Variants in SRGAP1 observed in about 807,000 individuals in gnomAD.
SRGAP1 encodes SLIT-ROBO Rho GTPase activating protein 1.
In SRGAP1, 43 loss-of-function variants were observed where a neutral mutation model predicts 121.9. That is an observed-to-expected ratio of 0.35 (90% CI 0.28 to 0.46). SRGAP1 has a LOEUF of 0.46. Ranked by LOEUF, SRGAP1 falls within the 20% of genes least tolerant of loss-of-function variation. SRGAP1 has a pLI of 1.00. For synonymous variants in SRGAP1, 447 were observed against 485.4 expected, an observed-to-expected ratio of 0.92 and a Z score of 1.04; for missense variants, 1,102 against 1,350.9, an observed-to-expected ratio of 0.82 and a Z score of 2.89.
chr12:63,912,784 C>A (rs1397382264), intron 1 of SRGAP1, among the ~76,000 whole-genome samples: 2 of 152,018 alleles, frequency 1.3e-5, no homozygotes, highest in African/African-American at 4.8e-5. Context: ...GGATTTTTGA[C>A]CAACATTTTA....
rs910922341 is a variant in SRGAP1 at position 63,844,980 on chromosome 12, G to T, written c.67+97G>T. On this transcript the variant is annotated intron_variant, in intron 1 of 21. Transcript: ENST00000355086. This position sits in a 1 kb window ranked among gnomAD's most constrained non-coding sequence, Gnocchi z 4.3. ...TAACTTGGTGTCTGCGTGGGAGGAA[G>T]GTGGTGAGGGGACAGCTCGAGCCCT... 1 of 1,232,500 alleles carries T rather than the reference G, an allele frequency of 8.1e-7. No individual in the cohort carries two copies. Among genetic ancestry groups the T allele is most frequent in the Admixed American group, 1.7e-5 (1 of 57,342 alleles). 76.3% of individuals were successfully genotyped at this position (1,232,500 alleles called of 1,614,324 possible). A position where few individuals can be genotyped will look rare whatever the true frequency, so the allele number is the denominator to read the frequency against.
chr12:63,868,697 A>G (rs1322349985), intron 1 of SRGAP1, among the ~76,000 whole-genome samples: 1 of 152,130 alleles, frequency 6.6e-6, no homozygotes, highest in Non-Finnish European at 1.5e-5. Flanking sequence ...GGGGAGTCCT[A>G]TTTTAATAGG....
chr12:64,019,930 C>T (rs1406816133), intron 4 of SRGAP1, among the ~76,000 whole-genome samples: 1 of 152,214 alleles, frequency 6.6e-6, no homozygotes, highest in African/African-American at 2.4e-5. Context: ...ATTGTCTTTT[C>T]TGGCAAATAT....
chr12:63,915,253 G>A (rs1331802937), intron 1 of SRGAP1, among the ~76,000 whole-genome samples: 1 of 152,152 alleles, frequency 6.6e-6, no homozygotes, highest in South Asian at 2.1e-4. Flanking sequence ...CATTTTTATT[G>A]TCAATGTTTA....
chr12:63,916,526 C>T (rs556772460), intron 1 of SRGAP1, among the ~76,000 whole-genome samples: 1 of 152,218 alleles, frequency 6.6e-6, no homozygotes, highest in East Asian at 1.9e-4. Context: ...AAATGTCATC[C>T]GTGGTCTTGA....
At chr12:64,125,129 C>A (rs888132170) in intron 18 of SRGAP1, among the ~76,000 whole-genome samples, 4 of 152,148 alleles carry the variant, frequency 2.6e-5, no homozygotes, top group African/African-American at 7.2e-5. Flanking sequence ...ACCTTCCCAT[C>A]CCCAACCTCT....
In SRGAP1 at chr12:63,957,222, G is replaced by A. The variant is rs149699714; in HGVS notation, c.68-26725G>A. 3.6e-3 allele frequency among the ~76,000 whole-genome samples: 541 copies of A among 152,276 alleles called. 2 individuals are homozygous for A. Among genetic ancestry groups the A allele is most frequent in the African/African-American group, 0.012 (515 of 41,540 alleles). On this transcript the variant is annotated intron_variant, in intron 1 of 21. Coordinates refer to ENST00000355086, the MANE Select transcript of SRGAP1 (RefSeq NM_020762.4). ...CCAGGTCACATTATCATTGAAGATC[G>A]TGAATCACAGGCCGGGGTCCTCACC... is the stretch of plus-strand genomic sequence containing the variant.
chr12:64,118,601 C>T lies in SRGAP1; in HGVS notation c.2224+2708C>T, dbSNP rs142609286. On this transcript the variant is annotated intron_variant, in intron 18 of 21. Coordinates refer to ENST00000355086, the MANE Select transcript of SRGAP1 (RefSeq NM_020762.4). ...TTTGTTTGTTTTGTTTGTTTCCTAA[C>T]ACAGTGGGATAACCTCATATGTGGT... is the stretch of plus-strand genomic sequence containing the variant. 3.1e-3 allele frequency among the ~76,000 whole-genome samples: 466 copies of T among 152,268 alleles called. 3 individuals are homozygous for T. Among genetic ancestry groups the T allele is most frequent in the Non-Finnish European group, 3.6e-3 (246 of 68,026 alleles).
intron 6 of SRGAP1, among the ~76,000 whole-genome samples, chr12:64,045,932 T>C (rs1335336991): frequency 2.6e-5 from 4 of 152,194 alleles, no homozygotes; most frequent in Non-Finnish European, 4.4e-5. Context: ...CAAGTACATG[T>C]ATACACACAC....
intron 1 of SRGAP1, among the ~76,000 whole-genome samples, chr12:63,878,097 A>G (rs537418409): frequency 6.6e-6 from 1 of 152,362 alleles, no homozygotes; most frequent in Admixed American, 6.5e-5. Context: ...TCTAATAACA[A>G]CATTAGAGAA....
intron 1 of SRGAP1, among the ~76,000 whole-genome samples, chr12:63,932,541 AT>A (rs1473067196): frequency 2.6e-5 from 4 of 152,324 alleles, no homozygotes; most frequent in Middle Eastern, 3.4e-3. Context: ...TTTATTACTA[AT>A]TCTTTTCATG....
intron 18 of SRGAP1, among the ~76,000 whole-genome samples, chr12:64,120,800 A>C (rs75621402): frequency 0.012 from 1,768 of 152,236 alleles, 38 homozygotes; most frequent in African/African-American, 0.04. Context: ...AATCTGACTC[A>C]TGTTCTAATG....
intron 11 of SRGAP1, among the ~76,000 whole-genome samples, chr12:64,087,739 A>C (rs1377725138): frequency 1.3e-5 from 2 of 152,166 alleles, no homozygotes; most frequent in Non-Finnish European, 2.9e-5. Flanking sequence ...ATCTCAAAAA[A>C]TAAAAATAAA....
At chr12:63,873,356 T>C (rs73315365) in intron 1 of SRGAP1, among the ~76,000 whole-genome samples, 47,190 of 151,456 alleles carry the variant, frequency 0.31, 8,792 homozygotes, top group East Asian at 0.55. Context: ...CATGGTGAAA[T>C]CTCGTGTCTA....
At chr12:64,085,070 G>A (rs979813746) in intron 10 of SRGAP1, among the ~76,000 whole-genome samples, 2 of 152,076 alleles carry the variant, frequency 1.3e-5, no homozygotes, top group Non-Finnish European at 2.9e-5. Flanking sequence ...TATAGTGCTT[G>A]GGAGCTAGTA....
intron 14 of SRGAP1, among the ~76,000 whole-genome samples, chr12:64,096,454 A>G (rs2036156714): frequency 6.6e-6 from 1 of 152,210 alleles, no homozygotes; most frequent in South Asian, 2.1e-4. Flanking sequence ...GTTGTATTTT[A>G]TGTTGAACTT....
intron 1 of SRGAP1, among the ~76,000 whole-genome samples, chr12:63,934,653 C>A (rs74099384): frequency 0.022 from 3,411 of 152,046 alleles, 112 homozygotes; most frequent in African/African-American, 0.077. Context: ...CAACCACCAC[C>A]CCCCCCAACA....
intron 1 of SRGAP1, chr12:63,982,406 C>T (rs1593003033): frequency 6.6e-6 from 1 of 152,070 alleles, no homozygotes; most frequent in East Asian, 1.9e-4. Context: ...ATACTAAAAC[C>T]TACTTCATTA....
At chr12:64,139,665 C>A (rs532365822) in intron 21 of SRGAP1, among the ~76,000 whole-genome samples, 1 of 151,094 alleles carries the variant, frequency 6.6e-6, no homozygotes, top group African/African-American at 2.4e-5. Context: ...GAGTAGGTTG[C>A]GAAAATTTTC....
Sources: gnomAD v4.1 joint callset for allele counts (sites outside exome capture counted in the v4.1 genomes callset) on GRCh38, gnomAD v4.1.1 for gene constraint, Gnocchi (gnomAD v3.1) non-coding constraint, MANE v1.5 for transcripts, NCBI Gene and HGNC (gene_info 2026-07-23, HGNC 2026-07-21) for gene names.